Variants in OTOGL observed in about 807,000 individuals in gnomAD.
The protein encoded by OTOGL is otogelin-like protein.
In OTOGL, 285 loss-of-function variants were observed where a neutral mutation model predicts 318.5. The ratio of observed to expected loss-of-function variants is 0.89; its 90% CI spans 0.81 to 0.99. The LOEUF is 0.99. Among genes scored for constraint, OTOGL ranks in the 50% least tolerant of loss-of-function variants. OTOGL has a pLI of 0.00. For synonymous variants in OTOGL, 987 were observed against 936.5 expected, an observed-to-expected ratio of 1.05 and a Z score of -0.99; for missense variants, 2,899 against 2,845.6, an observed-to-expected ratio of 1.02 and a Z score of -0.43.
At chr12:80,147,646 A>T (rs1872484747) in intron 1 of OTOGL, among the ~76,000 whole-genome samples, 3 of 151,972 alleles carry the variant, frequency 2.0e-5, no homozygotes, top group Admixed American at 6.6e-5. Context: ...TCTAATGTTG[A>T]CAGTGGGGTG....
chr12:80,111,189 G>T (rs555555702), intron 1 of OTOGL, among the ~76,000 whole-genome samples: 2 of 151,974 alleles, frequency 1.3e-5, no homozygotes, highest in Non-Finnish European at 2.9e-5. Context: ...AAATTTTCTC[G>T]CATTCTGTAG....
At chr12:80,149,307 C>G (rs952685904) in intron 1 of OTOGL, among the ~76,000 whole-genome samples, 70 of 151,554 alleles carry the variant, frequency 4.6e-4, no homozygotes, top group African/African-American at 1.6e-3. Context: ...GTTGGAGTAC[C>G]CTGCGGTGTG....
intron 26 of OTOGL, among the ~76,000 whole-genome samples, chr12:80,294,760 T>C (rs1885269069): frequency 6.6e-6 from 1 of 152,158 alleles, no homozygotes; most frequent in Admixed American, 6.5e-5. Flanking sequence ...TTGCCAGTGT[T>C]GTGAAAAACT....
chr12:80,359,572 ATTCT>A (rs1252399050), intron 52 of OTOGL, among the ~76,000 whole-genome samples: 1 of 152,196 alleles, frequency 6.6e-6, no homozygotes, highest in Non-Finnish European at 1.5e-5. Context: ...CACTTAGAGA[ATTCT>A]TTCAGAATCT....
At chr12:80,205,058 T>G (rs1876719400) in intron 1 of OTOGL, among the ~76,000 whole-genome samples, 1 of 152,098 alleles carries the variant, frequency 6.6e-6, no homozygotes, top group Admixed American at 6.6e-5. Flanking sequence ...CCACCCCTAC[T>G]GCCACTAAAA....
intron 24 of OTOGL, 72 bp downstream of exon 24, chr12:80,271,882 T>C: frequency 6.7e-7 from 1 of 1,486,176 alleles, no homozygotes; most frequent in South Asian, 1.3e-5. Context: ...AAAACATTCT[T>C]TATAGAAATA....
rs1051724225 is a variant in OTOGL at position 80,378,251 on chromosome 12, A to G, written c.*203A>G. ...AATTTATTGCTTTACTCTATTTTAG[A>G]AAATCAAATGACTGTAAGTTGTTCA... On this transcript the variant is annotated 3_prime_UTR_variant, in exon 59 of 59. Transcript: ENST00000547103. 6.3e-6 allele frequency: 3 copies of G among 474,580 alleles called. No homozygotes were observed. Among genetic ancestry groups the G allele is most frequent in the Admixed American group, 7.6e-5 (2 of 26,316 alleles). The allele number at this position is 474,580 out of a possible 1,614,324, so 29.4% of individuals were successfully genotyped here.
chr12:80,220,671 T>C (rs766348161), intron 6 of OTOGL, among the ~76,000 whole-genome samples: 1 of 125,974 alleles, frequency 7.9e-6, no homozygotes, highest in East Asian at 2.0e-4. Flanking sequence ...TCTATGTCAA[T>C]AATAATCAAT....
intron 1 of OTOGL, among the ~76,000 whole-genome samples, chr12:80,176,973 A>G (rs1217711362): frequency 6.6e-6 from 1 of 152,038 alleles, no homozygotes. Context: ...GCATCTGTTC[A>G]TGTGCTTGTC....
rs1204617989 is a variant in OTOGL, at chr12:80,378,235, C to T, written c.*187C>T. ...TTCAATAGCAAAATTAAATTTATTGCTTTACTCTATTTTAGAAAATCAAAT... is the reference window on the plus strand; with the variant it reads ...TTCAATAGCAAAATTAAATTTATTGTTTTACTCTATTTTAGAAAATCAAAT... On this transcript the variant is annotated 3_prime_UTR_variant, in exon 59 of 59. Coordinates refer to ENST00000547103, the MANE Select transcript of OTOGL (RefSeq NM_001378609.3). 9.9e-6 allele frequency: 5 copies of T among 505,696 alleles called. No individual in the cohort carries two copies. The highest frequency in any genetic ancestry group is 1.7e-5 in the Non-Finnish European group (5 of 289,212). 31.3% of individuals were successfully genotyped at this position (505,696 alleles called of 1,614,324 possible).
intron 11 of OTOGL, among the ~76,000 whole-genome samples, chr12:80,249,825 G>C (rs967394149): frequency 6.6e-5 from 10 of 152,082 alleles, no homozygotes; most frequent in African/African-American, 2.4e-4. Flanking sequence ...AGACTCCGTG[G>C]GCGTAGGACC....
rs1890065315 is a variant in OTOGL, at chr12:80,358,761, C to A, written c.6212C>A (p.Pro2071Gln). Reference sequence around the variant, plus strand: ...GAAAATGTATCTGGTCAATGTTGCCCAACATGGCACTGTGGTAACTAATTT... The same window carrying A: ...GAAAATGTATCTGGTCAATGTTGCCAAACATGGCACTGTGGTAACTAATTT... ...VKENVSGQCC[P>Q]TWHCECNCEN... The change falls in exon 51 of 59, where the codon CCA (proline) becomes CAA (glutamine). Residue 2071 changes from proline to glutamine, a missense_variant. By Grantham distance (76) the Pro-to-Gln change is moderately conservative. Coordinates refer to ENST00000547103, the MANE Select transcript of OTOGL (RefSeq NM_001378609.3). 6.2e-7 allele frequency: 1 copy of A among 1,606,938 alleles called. No individual in the cohort carries two copies. Among genetic ancestry groups the A allele is most frequent in the Non-Finnish European group, 8.5e-7 (1 of 1,174,328 alleles).
At chr12:80,339,308 T>TTG in intron 43 of OTOGL, 44 bp downstream of exon 43, 1 of 1,414,022 alleles carries the variant, frequency 7.1e-7, no homozygotes, top group Non-Finnish European at 9.5e-7. Context: ...GTTTTTTTTT[T>TTG]TTTTTTTTTT....
At chr12:80,186,489 T>C (rs575620935) in intron 1 of OTOGL, among the ~76,000 whole-genome samples, 1 of 152,304 alleles carries the variant, frequency 6.6e-6, no homozygotes, top group South Asian at 2.1e-4. Flanking sequence ...CCCTAACACA[T>C]GTATCTTCCC....
intron 1 of OTOGL, among the ~76,000 whole-genome samples, chr12:80,145,633 A>G (rs375177239): frequency 1.3e-5 from 2 of 151,972 alleles, no homozygotes; most frequent in Non-Finnish European, 2.9e-5. Context: ...CATTGAATCT[A>G]TAAATTACCT....
At chr12:80,146,181 A>G (rs1482727894) in intron 1 of OTOGL, among the ~76,000 whole-genome samples, 3 of 147,894 alleles carry the variant, frequency 2.0e-5, no homozygotes, top group Non-Finnish European at 4.4e-5. Context: ...TCAGTATGAT[A>G]TTGGCTGTGG....
chr12:80,288,318 G>T (rs1884786440), intron 26 of OTOGL, among the ~76,000 whole-genome samples: 1 of 151,978 alleles, frequency 6.6e-6, no homozygotes, highest in South Asian at 2.1e-4. Context: ...TTTCTCTCTG[G>T]CTGCCCTTAA....
chr12:80,378,866 A>G lies in OTOGL; in HGVS notation c.*818A>G, dbSNP rs982327956. ...ATAGTAAGGAGCAGGGAAATATAGC[A>G]TCATTTGCTAAATAGAGGAGATAGA... is the stretch of plus-strand genomic sequence containing the variant. On this transcript the variant is annotated 3_prime_UTR_variant, in exon 59 of 59. Coordinates refer to ENST00000547103, the MANE Select transcript of OTOGL (RefSeq NM_001378609.3). 6.6e-6 allele frequency: 1 copy of G among 152,218 alleles called. No individual in the cohort carries two copies. Among genetic ancestry groups the G allele is most frequent in the Non-Finnish European group, 1.5e-5 (1 of 67,942 alleles). 9.4% of individuals were successfully genotyped at this position (152,218 alleles called of 1,614,324 possible). A position where few individuals can be genotyped will look rare whatever the true frequency, so the allele number is the denominator to read the frequency against.
In OTOGL at chr12:80,337,016, A is replaced by G. The variant is rs1888457466; in HGVS notation, c.4860+12A>G. ...GGTTGGCAAGAAAGGTAAGAATACAAAGTTAAAATTTTTTCTCACATTAGA... is the reference window on the plus strand; with the variant it reads ...GGTTGGCAAGAAAGGTAAGAATACAGAGTTAAAATTTTTTCTCACATTAGA... On this transcript the variant is annotated intron_variant, in intron 42 of 58. Coordinates refer to ENST00000547103, the MANE Select transcript of OTOGL (RefSeq NM_001378609.3). 1 of 1,537,904 alleles carries G rather than the reference A, an allele frequency of 6.5e-7. No individual in the cohort carries two copies. The highest frequency in any genetic ancestry group is 8.8e-7 in the Non-Finnish European group (1 of 1,132,514).
Sources: gnomAD v4.1 joint callset for allele counts (sites outside exome capture counted in the v4.1 genomes callset) on GRCh38, gnomAD v4.1.1 for gene constraint, MANE v1.5 for transcripts, NCBI Gene and HGNC (gene_info 2026-07-23, HGNC 2026-07-21) for gene names.